Variants in RALGPS1 observed in about 807,000 individuals in gnomAD.
The protein encoded by RALGPS1 is ras-specific guanine nucleotide-releasing factor RalGPS1.
Under a neutral mutation model 78.8 loss-of-function variants are expected in RALGPS1, and 19 were observed. The observed-to-expected ratio is 0.24, with a 90% confidence interval of 0.17 to 0.35. The LOEUF (loss-of-function observed/expected upper bound fraction) is 0.35, where lower values mean the gene tolerates loss of function less well. RALGPS1 is among the 10% of genes least tolerant of loss of function. RALGPS1 has a pLI of 1.00. For missense variants in RALGPS1, 454 were observed against 688.3 expected (o/e 0.66, Z 3.81); for synonymous variants, 228 against 256.3 (o/e 0.89, Z 1.06).
intron 2 of RALGPS1, among the ~76,000 whole-genome samples, chr9:126,963,814 C>G (rs113743422): frequency 6.6e-6 from 1 of 152,182 alleles, no homozygotes; most frequent in African/African-American, 2.4e-5. Flanking sequence ...TGCTCCTAAC[C>G]ATGACATTAT....
intron 4 of RALGPS1, among the ~76,000 whole-genome samples, chr9:126,998,785 T>C (rs186533859): frequency 1.3e-5 from 2 of 151,802 alleles, no homozygotes; most frequent in African/African-American, 4.8e-5. Flanking sequence ...CCAACAACGA[T>C]AGACTGGATT....
At chr9:127,175,056 T>C (rs948558037) in intron 11 of RALGPS1, among the ~76,000 whole-genome samples, 5 of 152,180 alleles carry the variant, frequency 3.3e-5, no homozygotes, top group Admixed American at 1.3e-4. Flanking sequence ...GAGCCCCAAG[T>C]TGGGAGCACA....
intron 4 of RALGPS1, among the ~76,000 whole-genome samples, chr9:127,014,468 T>A (rs1024414161): frequency 6.6e-6 from 1 of 152,218 alleles, no homozygotes; most frequent in African/African-American, 2.4e-5. Context: ...TGGCATTGTT[T>A]CCAGGAATCC....
chr9:126,933,789 C>T (rs919234365), intron 1 of RALGPS1, among the ~76,000 whole-genome samples: 2 of 152,138 alleles, frequency 1.3e-5, no homozygotes, highest in Admixed American at 6.5e-5. Flanking sequence ...CTCATAGCAC[C>T]TTGTGCACAA....
intron 8 of RALGPS1, among the ~76,000 whole-genome samples, chr9:127,075,899 T>G (rs1348323778): frequency 6.6e-6 from 1 of 152,272 alleles, no homozygotes; most frequent in Non-Finnish European, 1.5e-5. Context: ...CTTTATGTAG[T>G]ACTAGCCTTT....
At chr9:127,128,900 C>T (rs2056817053) in intron 8 of RALGPS1, among the ~76,000 whole-genome samples, 1 of 152,122 alleles carries the variant, frequency 6.6e-6, no homozygotes, top group African/African-American at 2.4e-5. Flanking sequence ...CAAGTATATC[C>T]AAAAGTCATA....
chr9:126,944,096 G>T (rs574592617), intron 1 of RALGPS1, among the ~76,000 whole-genome samples: 1 of 152,360 alleles, frequency 6.6e-6, no homozygotes, highest in South Asian at 2.1e-4. Flanking sequence ...CTTGATCTGT[G>T]TCTGGGTCCC....
rs75628749 is a variant in RALGPS1, at chr9:127,220,399, G to A, written c.*1630G>A. On this transcript the variant is annotated 3_prime_UTR_variant, in exon 19 of 19. Transcript: ENST00000259351. Reference sequence around the variant, plus strand: ...CTTCTTTAGAAATTTGAATGGCTTGGTGAGGAAAGTAGTTGTCACCAGGGC... The same window carrying A: ...CTTCTTTAGAAATTTGAATGGCTTGATGAGGAAAGTAGTTGTCACCAGGGC... 15 of 152,340 alleles carry A rather than the reference G, an allele frequency of 9.8e-5. No homozygotes were observed. The East Asian group carries it at 2.9e-3, about 29-fold the overall frequency. The allele number at this position is 152,340 out of a possible 1,614,324, so 9.4% of individuals were successfully genotyped here.
chr9:127,169,634 C>A (rs576274224), intron 10 of RALGPS1, among the ~76,000 whole-genome samples: 1 of 152,270 alleles, frequency 6.6e-6, no homozygotes, highest in East Asian at 1.9e-4. Flanking sequence ...ACTTCACATT[C>A]ACAGATGGTC....
chr9:126,996,231 A>G (rs2042740780), intron 4 of RALGPS1, among the ~76,000 whole-genome samples: 1 of 152,218 alleles, frequency 6.6e-6, no homozygotes, highest in Non-Finnish European at 1.5e-5. Flanking sequence ...CAAAAAATTA[A>G]TGAATCCAGG....
At chr9:127,203,303 C>T (rs1021808592) in intron 14 of RALGPS1, among the ~76,000 whole-genome samples, 3 of 152,054 alleles carry the variant, frequency 2.0e-5, no homozygotes, top group Non-Finnish European at 2.9e-5. Context: ...TTCTTTTCTA[C>T]CCAGAAAAAC....
At chr9:127,163,147 T>C (rs1287365154) in intron 8 of RALGPS1, among the ~76,000 whole-genome samples, 1 of 152,230 alleles carries the variant, frequency 6.6e-6, no homozygotes. Context: ...GGCCGAAGTC[T>C]GCACATTGCG....
At position 127,219,195 on chromosome 9, in the gene RALGPS1, C is replaced by T. The variant is rs966450933; in HGVS notation, c.*426C>T. On this transcript the variant is annotated 3_prime_UTR_variant, in exon 19 of 19. Transcript: ENST00000259351. This position sits in a 1 kb window ranked among gnomAD's most constrained non-coding sequence, Gnocchi z 5.0. ...TACACCCCAAGTGCATGGGGTTGCT[C>T]GCCCACAGGGCTGCCTCAGATTTTG... 5 of 237,968 alleles carry T rather than the reference C, an allele frequency of 2.1e-5. No individual in the cohort carries two copies. Among genetic ancestry groups the T allele is most frequent in the African/African-American group, 2.2e-5 (1 of 44,710 alleles). 14.7% of individuals were successfully genotyped at this position (237,968 alleles called of 1,614,324 possible). A position where few individuals can be genotyped will look rare whatever the true frequency, so the allele number is the denominator to read the frequency against.
intron 10 of RALGPS1, among the ~76,000 whole-genome samples, chr9:127,169,666 T>C (rs2059464991): frequency 6.6e-6 from 1 of 152,180 alleles, no homozygotes; most frequent in Admixed American, 6.5e-5. Context: ...ATGGTTCAAC[T>C]TAACGATCTT....
At chr9:127,198,916 C>T in intron 13 of RALGPS1, 99 bp from the exon 14 acceptor site, 1 of 1,040,774 alleles carries the variant, frequency 9.6e-7, no homozygotes, top group East Asian at 2.4e-5. Context: ...GTTTCTGTGG[C>T]ACTTCTGTGA....
chr9:127,066,443 C>T (rs1014746364), intron 7 of RALGPS1, among the ~76,000 whole-genome samples: 15 of 152,218 alleles, frequency 9.9e-5, no homozygotes, highest in Non-Finnish European at 2.2e-4. Context: ...GAGTTCGAGA[C>T]TGGACTGGCC....
chr9:126,994,163 G>A (rs560718139), intron 4 of RALGPS1, among the ~76,000 whole-genome samples: 1 of 152,310 alleles, frequency 6.6e-6, no homozygotes, highest in South Asian at 2.1e-4. Context: ...ACCAGCAACA[G>A]AACAAAGCTG....
chr9:127,086,284 A>G (rs1326331791), intron 8 of RALGPS1, among the ~76,000 whole-genome samples: 2 of 152,330 alleles, frequency 1.3e-5, no homozygotes, highest in African/African-American at 2.4e-5. Context: ...TGCATTTACA[A>G]TTTTGATATA....
chr9:127,200,064 TCA>T (rs1030213354), intron 14 of RALGPS1, among the ~76,000 whole-genome samples: 42 of 152,248 alleles, frequency 2.8e-4, no homozygotes, highest in African/African-American at 9.4e-4. Flanking sequence ...AACCACACTG[TCA>T]CACGTGGGTG....
Sources: gnomAD v4.1 joint callset for allele counts (sites outside exome capture counted in the v4.1 genomes callset) on GRCh38, gnomAD v4.1.1 for gene constraint, Gnocchi (gnomAD v3.1) non-coding constraint, MANE v1.5 for transcripts, NCBI Gene and HGNC (gene_info 2026-07-23, HGNC 2026-07-21) for gene names.